The following NPAT variants were observed in gnomAD, a reference collection of about 807,000 sequenced individuals.
NPAT encodes the protein nuclear protein, coactivator of histone transcription.
In NPAT, 52 loss-of-function variants were observed where a neutral mutation model predicts 130.7. That is an observed-to-expected ratio of 0.40 (90% confidence interval 0.32 to 0.50). The LOEUF (loss-of-function observed/expected upper bound fraction) is 0.50. Among genes scored for constraint, NPAT ranks in the 20% least tolerant of loss-of-function variants. NPAT has a pLI of 0.68. For missense variants in NPAT, 1,687 were observed against 1,662.6 expected, an observed-to-expected ratio of 1.01 and a Z score of -0.26; for synonymous variants, 580 against 584.8, an observed-to-expected ratio of 0.99 and a Z score of 0.12.
At position 108,173,578 on chromosome 11, in the gene NPAT, T is replaced by C. The variant is rs1257116569; in HGVS notation, c.1406A>G (p.Glu469Gly). The C allele has an allele frequency of 6.2e-7, 1 of 1,614,208 alleles. No homozygotes were observed. ...SNAECNPHCA[E>G]LYTNQMSTET... Reference sequence around the variant, plus strand: ...AGTGGACATCTGATTGGTGTATAATTCAGCACAATGTGGATTACATTCAGC... The same window carrying C: ...AGTGGACATCTGATTGGTGTATAATCCAGCACAATGTGGATTACATTCAGC... Residue 469 changes from glutamate (E) to glycine (G), a missense_variant, in exon 13 of 18, where the codon GAA becomes GGA. Glu to Gly is a moderately conservative substitution (Grantham distance 98). Coordinates refer to ENST00000278612, the MANE Select transcript of NPAT (RefSeq NM_002519.3).
At chr11:108,176,100 T>C (rs2078002996) in intron 12 of NPAT, 146 bp downstream of exon 12, 2 of 643,652 alleles carry the variant, frequency 3.1e-6, no homozygotes, top group African/African-American at 1.8e-5. Context: ...CAAAGATTTA[T>C]AATTGTTTTT....
intron 15 of NPAT, among the ~76,000 whole-genome samples, chr11:108,164,902 T>G (rs2077886741): frequency 6.6e-6 from 1 of 152,082 alleles, no homozygotes; most frequent in Non-Finnish European, 1.5e-5. Flanking sequence ...CCCCAGCTAC[T>G]CGGGAGGCTG....
At chr11:108,163,161 C>G (rs2077869211) in intron 15 of NPAT, among the ~76,000 whole-genome samples, 1 of 151,944 alleles carries the variant, frequency 6.6e-6, no homozygotes, top group Non-Finnish European at 1.5e-5. Flanking sequence ...CTCACTGCAA[C>G]CTCCACCTCC....
At chr11:108,210,862 A>G (rs1233155904) in intron 1 of NPAT, among the ~76,000 whole-genome samples, 1 of 152,200 alleles carries the variant, frequency 6.6e-6, no homozygotes, top group Non-Finnish European at 1.5e-5. Flanking sequence ...TTTTAGACCA[A>G]TATTGCCCTG....
chr11:108,208,942 A>G (rs2078356429), intron 1 of NPAT, among the ~76,000 whole-genome samples: 1 of 152,224 alleles, frequency 6.6e-6, no homozygotes, highest in Non-Finnish European at 1.5e-5. Context: ...AGATGCAACT[A>G]AAGCAGTGCA....
rs747266272 is a variant in NPAT at position 108,172,191 on chromosome 11, A to G, written c.2785+8T>C. On this transcript the variant is annotated splice_region_variant and intron_variant, in intron 13 of 17. Transcript: ENST00000278612. ...AGAAACAAATTTCAATTATGTTATT[A>G]AAGTTACCTTGTGAAAAGTTTGGTG... 6 of 1,612,310 alleles carry G rather than the reference A, an allele frequency of 3.7e-6. No individual in the cohort carries two copies. The East Asian group carries it at 1.3e-4, about 36-fold the overall frequency.
intron 3 of NPAT, among the ~76,000 whole-genome samples, chr11:108,193,639 C>T (rs1006241998): frequency 3.9e-5 from 6 of 152,086 alleles, no homozygotes; most frequent in South Asian, 2.1e-4. Flanking sequence ...TGAGGAGAAT[C>T]GCTTGAATCC....
intron 7 of NPAT, 35 bp downstream of exon 7, chr11:108,188,062 GA>G (rs759427365): frequency 1.5e-6 from 2 of 1,323,868 alleles, no homozygotes; most frequent in South Asian, 2.4e-5. Context: ...TTTTTTAATG[GA>G]TACGGGTAAC....
In NPAT at chr11:108,160,538, GT is replaced by G. The variant is rs2077836275; in HGVS notation, c.4206+341del. 2.7e-5 allele frequency among the ~76,000 whole-genome samples: 4 copies of G among 150,280 alleles called. No homozygotes were observed. In the South Asian group the frequency reaches 8.6e-4, roughly 32 times the overall value. ...ATGTCACGCTCATGAAAAAACTTGA[GT>G]TCTACCAAGAAAGAAAGAAAAACTT... On this transcript the variant is annotated intron_variant, in intron 17 of 17. Transcript: ENST00000278612.
In NPAT at chr11:108,173,299, A is replaced by G; in HGVS notation, c.1685T>C (p.Ile562Thr). ...ENSNDTVKLK[I>T]NFHGSKSSDS... Reference sequence around the variant, plus strand: ...TGATGACTTGGAACCATGAAAATTAATTTTAAGTTTTACTGTATCATTAGA... The same window carrying G: ...TGATGACTTGGAACCATGAAAATTAGTTTTAAGTTTTACTGTATCATTAGA... The change falls in exon 13 of 18, where the codon ATT (isoleucine) becomes ACT (threonine). Residue 562 changes from isoleucine (I) to threonine (T), a missense_variant. By Grantham distance (89) the Ile-to-Thr change is moderately conservative. Transcript: ENST00000278612. 6.2e-7 allele frequency: 1 copy of G among 1,612,062 alleles called. No homozygotes were observed. The highest frequency in any genetic ancestry group is 8.5e-7 in the Non-Finnish European group (1 of 1,178,726).
At chr11:108,160,738 G>T in intron 17 of NPAT, 142 bp downstream of exon 17, 1 of 738,102 alleles carries the variant, frequency 1.4e-6, no homozygotes, top group Admixed American at 2.3e-5. Context: ...TGTGATCATG[G>T]TTATGTATTT....
intron 1 of NPAT, among the ~76,000 whole-genome samples, chr11:108,216,855 T>C (rs1007844761): frequency 4.6e-5 from 7 of 152,306 alleles, no homozygotes; most frequent in African/African-American, 1.7e-4. Context: ...TGAGTTCTCA[T>C]TTTAGATTAG....
intron 15 of NPAT, among the ~76,000 whole-genome samples, chr11:108,164,508 G>A (rs528456924): frequency 2.6e-5 from 4 of 152,272 alleles, no homozygotes; most frequent in South Asian, 4.1e-4. Flanking sequence ...AAGTGAATCC[G>A]GAAAGAAGAC....
chr11:108,172,727 C>G lies in NPAT; in HGVS notation c.2257G>C (p.Asp753His). ...IISDDPFVSS[D>H]TELTSAVSSI... ...GAAACAGCACTGGTAAGTTCAGTAT[C>G]TGAGGAAACAAATGGATCATCACTA... Residue 753 changes from aspartate (D) to histidine (H), a missense_variant, in exon 13 of 18, where the codon GAT becomes CAT. By Grantham distance (81) the Asp-to-His change is moderately conservative. Around this residue, in one of 3 missense-constraint regions of NPAT, gnomAD observed 1,379 missense variants for 1,346.6 expected, o/e 1.02. Transcript: ENST00000278612. 2 of 1,613,550 alleles carry G rather than the reference C, an allele frequency of 1.2e-6. No individual in the cohort carries two copies. Among genetic ancestry groups the G allele is most frequent in the Non-Finnish European group, 1.7e-6 (2 of 1,180,028 alleles).
At chr11:108,171,323 A>C (rs1007793648) in intron 13 of NPAT, 2 of 151,678 alleles carry the variant, frequency 1.3e-5, no homozygotes, top group African/African-American at 4.9e-5. Flanking sequence ...GGGTTTCACC[A>C]TGTTGGCCAG....
At chr11:108,163,064 A>C (rs1328672073) in intron 15 of NPAT, among the ~76,000 whole-genome samples, 1 of 144,528 alleles carries the variant, frequency 6.9e-6, no homozygotes, top group Non-Finnish European at 1.5e-5. Context: ...TAAGAGATTT[A>C]TTTATTTATT....
chr11:108,221,955 C>T (rs2078510521), intron 1 of NPAT, among the ~76,000 whole-genome samples: 1 of 152,146 alleles, frequency 6.6e-6, no homozygotes, highest in Non-Finnish European at 1.5e-5. Context: ...ATGCAACTGG[C>T]ATTTCACACC....
chr11:108,164,191 C>T lies in NPAT; in HGVS notation c.3011-2011G>A, dbSNP rs561903390. ...AGGAGGAGCAGGACTAGATTTGAGA[C>T]GTGTTGTGCAAGACTGGAATAGTTT... On this transcript the variant is annotated intron_variant, in intron 15 of 17. Coordinates refer to ENST00000278612, the MANE Select transcript of NPAT (RefSeq NM_002519.3). 1.1e-4 allele frequency among the ~76,000 whole-genome samples: 17 copies of T among 152,170 alleles called. No individual in the cohort carries two copies. The South Asian group carries it at 1.5e-3, about 13-fold the overall frequency.
intron 1 of NPAT, among the ~76,000 whole-genome samples, chr11:108,207,295 T>C (rs1001827060): frequency 2.6e-5 from 4 of 152,198 alleles, no homozygotes; most frequent in African/African-American, 9.7e-5. Flanking sequence ...GCACCATAAA[T>C]TCTCACTCTG....
Sources: gnomAD v4.1 joint callset for allele counts (sites outside exome capture counted in the v4.1 genomes callset) on GRCh38, gnomAD v4.1.1 for gene constraint, gnomAD v4.1.1 regional missense constraint, MANE v1.5 for transcripts, NCBI Gene and HGNC (gene_info 2026-07-23, HGNC 2026-07-21) for gene names.